ORC4: variants seen among roughly 807,000 people sequenced by gnomAD.
ORC4 encodes the protein origin recognition complex, subunit 4 homolog.
Under a neutral mutation model 63.9 loss-of-function variants are expected in ORC4, and 55 were observed. That is an observed-to-expected ratio of 0.86 (90% CI 0.69 to 1.08). The LOEUF (loss-of-function observed/expected upper bound fraction) is 1.08, where lower values mean the gene tolerates loss of function less well. Ranked by LOEUF, ORC4 falls within the 50% of genes least tolerant of loss-of-function variation. The pLI is 0.00. For missense variants in ORC4, 511 were observed against 504.4 expected, an observed-to-expected ratio of 1.01 and a Z score of -0.13; for synonymous variants, 150 against 168.5, an observed-to-expected ratio of 0.89 and a Z score of 0.85.
At chr2:147,995,789 C>T (rs923994183) in intron 1 of ORC4, among the ~76,000 whole-genome samples, 2 of 152,142 alleles carry the variant, frequency 1.3e-5, no homozygotes, top group Admixed American at 1.3e-4. Context: ...ACTCCAGACA[C>T]ACCATCTTTA....
chr2:147,969,859 CTAAT>C (rs1690109146), intron 4 of ORC4, among the ~76,000 whole-genome samples: 1 of 151,642 alleles, frequency 6.6e-6, no homozygotes, highest in Non-Finnish European at 1.5e-5. Context: ...CTATGAATAA[CTAAT>C]GCAATAAAAG....
chr2:148,003,785 A>G (rs541969266), intron 1 of ORC4, among the ~76,000 whole-genome samples: 122 of 152,336 alleles, frequency 8.0e-4, no homozygotes, highest in African/African-American at 2.7e-3. Flanking sequence ...AGAAAGAAAT[A>G]AAAGGTATTT....
intron 1 of ORC4, among the ~76,000 whole-genome samples, chr2:148,009,356 A>G (rs1467313844): frequency 1.3e-5 from 2 of 152,136 alleles, no homozygotes; most frequent in Non-Finnish European, 2.9e-5. Context: ...CTATAAAAAC[A>G]TAGACTAACA....
chr2:147,977,695 C>G (rs1690645607), intron 1 of ORC4, among the ~76,000 whole-genome samples: 1 of 152,172 alleles, frequency 6.6e-6, no homozygotes, highest in Non-Finnish European at 1.5e-5. Flanking sequence ...GGATATGAAC[C>G]CTATCTGGTC....
chr2:147,952,280 A>T, intron 8 of ORC4, 93 bp downstream of exon 8: 1 of 926,120 alleles, frequency 1.1e-6, no homozygotes, highest in Non-Finnish European at 1.7e-6. Context: ...TTTTAAAATG[A>T]CCTAAATAAG....
chr2:147,961,880 T>C (rs1255880354), intron 4 of ORC4, among the ~76,000 whole-genome samples: 1 of 152,172 alleles, frequency 6.6e-6, no homozygotes, highest in Admixed American at 6.5e-5. Context: ...AAAGGTGCTA[T>C]AACGTGGAAG....
intron 8 of ORC4, among the ~76,000 whole-genome samples, chr2:147,950,430 C>T (rs1298222709): frequency 1.3e-5 from 2 of 152,184 alleles, no homozygotes; most frequent in Non-Finnish European, 2.9e-5. Context: ...ACTACTCCCT[C>T]TATACTTTTG....
chr2:147,980,088 C>G (rs1690786561), intron 1 of ORC4, among the ~76,000 whole-genome samples: 1 of 152,018 alleles, frequency 6.6e-6, no homozygotes, highest in Non-Finnish European at 1.5e-5. Context: ...CTTCAATCAA[C>G]AGAGTGAAGA....
Position 147,933,182 on chromosome 2 carries a change from T to A in ORC4, c.*2328A>T, listed in dbSNP as rs1196618574. The A allele has an allele frequency of 6.6e-6, 1 of 152,120 alleles. No homozygotes were observed. The highest frequency in any genetic ancestry group is 1.9e-4 in the East Asian group (1 of 5,194). The allele number at this position is 152,120 out of a possible 1,614,324, so 9.4% of individuals were successfully genotyped here. A position where few individuals can be genotyped will look rare whatever the true frequency, so the allele number is the denominator to read the frequency against. ...GAGTTCATGCATTTTTTGGTTCTAT[T>A]TTTCCTCCTCTAGTAAATGAAGAAA... On this transcript the variant is annotated 3_prime_UTR_variant, in exon 14 of 14. Coordinates refer to ENST00000392857, the MANE Select transcript of ORC4 (RefSeq NM_181741.4).
At chr2:147,978,779 T>A (rs748257553) in intron 1 of ORC4, among the ~76,000 whole-genome samples, 36 of 152,206 alleles carry the variant, frequency 2.4e-4, no homozygotes, top group Non-Finnish European at 4.3e-4. Context: ...GTGGGATTTA[T>A]CTTTGGAATG....
At chr2:147,971,181 A>G (rs1298374366) in intron 4 of ORC4, among the ~76,000 whole-genome samples, 1 of 152,050 alleles carries the variant, frequency 6.6e-6, no homozygotes, top group Non-Finnish European at 1.5e-5. Context: ...TACTCTACCA[A>G]AGATACAGTT....
intron 1 of ORC4, among the ~76,000 whole-genome samples, chr2:148,002,463 C>G (rs575476434): frequency 6.6e-6 from 1 of 152,274 alleles, no homozygotes; most frequent in South Asian, 2.1e-4. Context: ...GAAACTCACT[C>G]AAAACTGCAC....
In ORC4 at chr2:147,939,155, C is replaced by T; in HGVS notation, c.943G>A (p.Ala315Thr). 1 of 1,605,810 alleles carries T rather than the reference C, an allele frequency of 6.2e-7. No homozygotes were observed. The highest frequency in any genetic ancestry group is 8.5e-7 in the Non-Finnish European group (1 of 1,172,612). ...GGGTTCTCACCATGTACAATATTTG[C>T]TTTCGAGTCCATGCTACACAGTTGG... Reference protein sequence around the residue: ...ASQLCSMDSKANIVHGLSVLE... With the variant: ...ASQLCSMDSKTNIVHGLSVLE... Residue 315 changes from alanine (A) to threonine (T), a missense_variant, in exon 11 of 14, where the codon GCA becomes ACA. Ala to Thr is a moderately conservative substitution (Grantham distance 58, BLOSUM62 0). Coordinates refer to ENST00000392857, the MANE Select transcript of ORC4 (RefSeq NM_181741.4).
Position 147,952,515 on chromosome 2 carries a change from G to A in ORC4, c.446C>T (p.Thr149Ile). 1 of 1,609,342 alleles carries A rather than the reference G, an allele frequency of 6.2e-7. No individual in the cohort carries two copies. The highest frequency in any genetic ancestry group is 8.5e-7 in the Non-Finnish European group (1 of 1,175,722). ...LLEALKKGDRTSSCPVIFILD... is the reference protein window; with the variant it reads ...LLEALKKGDRISSCPVIFILD... ...TATGAAGATCACTGGGCAACTGCTA[G>A]TTCGGTCACCTAAGATAAAATAAGA... is the stretch of plus-strand genomic sequence containing the variant. Residue 149 changes from threonine (T) to isoleucine (I), a missense_variant, in exon 8 of 14, where the codon ACT becomes ATT. By Grantham distance (89) the Thr-to-Ile change is moderately conservative (BLOSUM62 -1). Coordinates refer to ENST00000392857, the MANE Select transcript of ORC4 (RefSeq NM_181741.4).
At chr2:147,995,116 G>A (rs1382203164) in intron 1 of ORC4, among the ~76,000 whole-genome samples, 1 of 150,118 alleles carries the variant, frequency 6.7e-6, no homozygotes. Context: ...GTGTCTAAAG[G>A]ACTGTAAATG....
At position 147,952,397 on chromosome 2, in the gene ORC4, T is replaced by C; in HGVS notation, c.564A>G (p.Ala188=). 6.2e-7 allele frequency: 1 copy of C among 1,606,850 alleles called. No homozygotes were observed. Among genetic ancestry groups the C allele is most frequent in the Non-Finnish European group, 8.5e-7 (1 of 1,173,666 alleles). Residue 188 remains alanine (A), a synonymous_variant, in exon 8 of 14, where the codon GCA becomes GCG. Coordinates refer to ENST00000392857, the MANE Select transcript of ORC4 (RefSeq NM_181741.4). ...DISQSAQTPI[A]VIGLTCRLDI... is the part of the protein sequence containing the mutation. ...CCAATCTACATGTAAGACCAATAACTGCTATTGGGGTCTGTGCAGACTGAG... is the reference window on the plus strand; with the variant it reads ...CCAATCTACATGTAAGACCAATAACCGCTATTGGGGTCTGTGCAGACTGAG...
At chr2:147,986,809 ACAC>A (rs1211968672) in intron 1 of ORC4, among the ~76,000 whole-genome samples, 1 of 151,812 alleles carries the variant, frequency 6.6e-6, no homozygotes, top group African/African-American at 2.4e-5. Flanking sequence ...ACACACACAC[ACAC>A]ACTAGTGACC....
chr2:147,956,881 A>G (rs1197849465), intron 6 of ORC4, among the ~76,000 whole-genome samples: 1 of 151,722 alleles, frequency 6.6e-6, no homozygotes, highest in Non-Finnish European at 1.5e-5. Context: ...TACCCAGATC[A>G]ACTGGGAACC....
chr2:147,989,027 A>G (rs1451472596), intron 1 of ORC4, among the ~76,000 whole-genome samples: 2 of 152,192 alleles, frequency 1.3e-5, no homozygotes, highest in Admixed American at 6.5e-5. Flanking sequence ...TAAGTTTTAT[A>G]TGTGTTGACC....
Sources: allele counts gnomAD v4.1 joint callset (sites outside exome capture counted in the v4.1 genomes callset), GRCh38; gene constraint gnomAD v4.1.1; transcripts MANE v1.5; gene names NCBI Gene and HGNC (gene_info 2026-07-23, HGNC 2026-07-21).